FRYL: variants seen among roughly 807,000 people sequenced by gnomAD.
FRYL encodes the protein FRY like transcription coactivator.
Under a neutral mutation model 351.2 loss-of-function variants are expected in FRYL, and 150 were observed. The observed-to-expected ratio is 0.43, with a 90% CI of 0.37 to 0.49. The LOEUF is 0.49. FRYL is among the 20% of genes least tolerant of loss of function. The pLI, the probability that FRYL is intolerant of heterozygous loss-of-function variation, is 0.00. For synonymous variants in FRYL, 1,153 were observed against 1,257.1 expected (o/e 0.92, Z 1.75); for missense variants, 3,036 against 3,619.3 (o/e 0.84, Z 4.13).
At chr4:48,624,195 C>T (rs1421035333) in intron 4 of FRYL, among the ~76,000 whole-genome samples, 1 of 152,110 alleles carries the variant, frequency 6.6e-6, no homozygotes, top group Non-Finnish European at 1.5e-5. Context: ...AGTGGTATAT[C>T]TTGCTTCAGC....
chr4:48,646,238 C>G (rs981360947), intron 3 of FRYL, among the ~76,000 whole-genome samples: 9 of 152,154 alleles, frequency 5.9e-5, no homozygotes, highest in Non-Finnish European at 1.2e-4. Context: ...GAAAATACAG[C>G]TTATAAAACA....
Position 48,542,081 on chromosome 4 carries a change from A to G in FRYL, c.5633T>C (p.Ile1878Thr), listed in dbSNP as rs774469119. The change falls in exon 45 of 64, where the codon ATT (isoleucine) becomes ACT (threonine). Residue 1878 changes from isoleucine to threonine, a missense_variant. Physicochemically the swap from Ile to Thr is moderately conservative, Grantham distance 89. Transcript: ENST00000358350. ...IELLLTLESA[I>T]DTLAETMKHY... ...CTTCATGGTTTCAGCCAAAGTATCA[A>G]TTGCAGATTCCAATGTGAGAAGAAG... 1.2e-6 allele frequency: 2 copies of G among 1,613,902 alleles called. No individual in the cohort carries two copies. The highest frequency in any genetic ancestry group is 3.3e-5 in the Admixed American group (2 of 60,020).
At chr4:48,635,841 G>A (rs1754120877) in intron 3 of FRYL, among the ~76,000 whole-genome samples, 2 of 152,068 alleles carry the variant, frequency 1.3e-5, no homozygotes, top group Non-Finnish European at 2.9e-5. Context: ...GAAAGAGGAA[G>A]CAGAACACAA....
At chr4:48,672,738 G>C (rs1762935410) in intron 3 of FRYL, among the ~76,000 whole-genome samples, 1 of 152,154 alleles carries the variant, frequency 6.6e-6, no homozygotes, top group African/African-American at 2.4e-5. Flanking sequence ...ATAAGCATCT[G>C]AAGTGTCAGA....
intron 2 of FRYL, among the ~76,000 whole-genome samples, chr4:48,687,696 A>T (rs890345277): frequency 1.3e-5 from 2 of 152,198 alleles, no homozygotes; most frequent in African/African-American, 4.8e-5. Context: ...GATATACATT[A>T]ACACAGGAAA....
At chr4:48,687,498 G>C (rs1289844065) in intron 2 of FRYL, among the ~76,000 whole-genome samples, 7 of 132,006 alleles carry the variant, frequency 5.3e-5, no homozygotes, top group South Asian at 6.2e-4. Context: ...AGGTCGGGGG[G>C]GGGGGGGGTG....
At chr4:48,685,589 G>A (rs1293118074) in intron 2 of FRYL, among the ~76,000 whole-genome samples, 1 of 152,122 alleles carries the variant, frequency 6.6e-6, no homozygotes, top group Non-Finnish European at 1.5e-5. Context: ...ATATTTTTCA[G>A]AGTCTACCTA....
At chr4:48,692,897 C>T (rs1453388422) in intron 2 of FRYL, among the ~76,000 whole-genome samples, 1 of 152,142 alleles carries the variant, frequency 6.6e-6, no homozygotes, top group East Asian at 1.9e-4. Flanking sequence ...GGTTCAATTC[C>T]TCATTTCTAT....
At chr4:48,541,833 G>T (rs911438403) in intron 45 of FRYL, among the ~76,000 whole-genome samples, 194 bp downstream of exon 45, 3 of 152,134 alleles carry the variant, frequency 2.0e-5, no homozygotes, top group Non-Finnish European at 4.4e-5. Context: ...ATTAGAAGAA[G>T]AACAGCACTG....
At chr4:48,764,400 G>C (rs1480644002) in intron 1 of FRYL, among the ~76,000 whole-genome samples, 1 of 151,670 alleles carries the variant, frequency 6.6e-6, no homozygotes, top group African/African-American at 2.4e-5. Context: ...GTATGATGGT[G>C]TGTGCCTATG....
intron 3 of FRYL, among the ~76,000 whole-genome samples, chr4:48,677,673 A>G (rs1763937580): frequency 1.3e-5 from 2 of 152,302 alleles, no homozygotes; most frequent in South Asian, 4.1e-4. Context: ...GGCCTCCCAA[A>G]TTGCTGGGAT....
At chr4:48,608,740 G>A (rs1180342183) in intron 9 of FRYL, among the ~76,000 whole-genome samples, 1 of 152,090 alleles carries the variant, frequency 6.6e-6, no homozygotes, top group Non-Finnish European at 1.5e-5. Context: ...AATATGGTTG[G>A]CAATTTCTGA....
chr4:48,537,394 T>C (rs1275911370), intron 47 of FRYL, among the ~76,000 whole-genome samples: 1 of 152,196 alleles, frequency 6.6e-6, no homozygotes, highest in Non-Finnish European at 1.5e-5. Context: ...TTTTTTAGCA[T>C]ACTATTTTTG....
intron 3 of FRYL, among the ~76,000 whole-genome samples, chr4:48,668,233 A>G (rs1168153215): frequency 1.3e-5 from 2 of 152,156 alleles, no homozygotes; most frequent in Non-Finnish European, 2.9e-5. Flanking sequence ...CCCTTTACAG[A>G]AAAGGTTTAC....
chr4:48,611,191 T>C (rs1465819431), intron 7 of FRYL, among the ~76,000 whole-genome samples: 1 of 152,062 alleles, frequency 6.6e-6, no homozygotes, highest in African/African-American at 2.4e-5. Flanking sequence ...ACTACATACA[T>C]CCTCCCGTAC....
At chr4:48,593,401 A>G (rs1743926824) in intron 16 of FRYL, among the ~76,000 whole-genome samples, 1 of 151,896 alleles carries the variant, frequency 6.6e-6, no homozygotes, top group Admixed American at 6.6e-5. Flanking sequence ...CTGGAGTGCA[A>G]TGGCTTGATC....
chr4:48,678,140 C>T (rs1293646989), intron 3 of FRYL, among the ~76,000 whole-genome samples: 2 of 152,092 alleles, frequency 1.3e-5, no homozygotes, highest in African/African-American at 2.4e-5. Flanking sequence ...TGCCTGTAAT[C>T]CCAGCACTTT....
chr4:48,691,832 G>A (rs370313526), intron 2 of FRYL, among the ~76,000 whole-genome samples: 30 of 151,958 alleles, frequency 2.0e-4, no homozygotes, highest in African/African-American at 7.0e-4. Context: ...GTATACAACC[G>A]GAATCATATT....
intron 35 of FRYL, among the ~76,000 whole-genome samples, chr4:48,555,652 G>C (rs539340409): frequency 6.6e-6 from 1 of 152,158 alleles, no homozygotes; most frequent in Admixed American, 6.5e-5. Flanking sequence ...GGGGGCCAGC[G>C]CAGCTGAAGG....
Sources: allele counts gnomAD v4.1 joint callset (sites outside exome capture counted in the v4.1 genomes callset), GRCh38; gene constraint gnomAD v4.1.1; transcripts MANE v1.5; gene names NCBI Gene and HGNC (gene_info 2026-07-23, HGNC 2026-07-21).